Variants in SLC14A2 observed in about 807,000 individuals in gnomAD.
SLC14A2 encodes the protein solute carrier family 14 member 2, also known as urea transporter 2.
SLC14A2 carries 91 observed loss-of-function variants against 104.6 expected under a neutral mutation model. The ratio of observed to expected loss-of-function variants is 0.87; its 90% CI spans 0.73 to 1.04. The LOEUF (loss-of-function observed/expected upper bound fraction) is 1.04, where lower values mean the gene tolerates loss of function less well. Among genes scored for constraint, SLC14A2 ranks in the 50% least tolerant of loss-of-function variants. The pLI is 0.00. For missense variants in SLC14A2, 1,189 were observed against 1,156.0 expected, an observed-to-expected ratio of 1.03 and a Z score of -0.41; for synonymous variants, 476 against 466.4, an observed-to-expected ratio of 1.02 and a Z score of -0.27.
At chr18:45,653,394 G>C (rs1243677654) in intron 10 of SLC14A2, among the ~76,000 whole-genome samples, 1 of 152,110 alleles carries the variant, frequency 6.6e-6, no homozygotes, top group East Asian at 1.9e-4. Flanking sequence ...GTCTACTCAG[G>C]TGTAGCTAAT....
intron 1 of SLC14A2, among the ~76,000 whole-genome samples, chr18:45,356,492 C>T (rs1196894004): frequency 1.3e-5 from 2 of 152,198 alleles, no homozygotes; most frequent in African/African-American, 4.8e-5. Context: ...CCTGTCACAT[C>T]AGCACAGACA....
chr18:45,621,820 C>A (rs1255318449), intron 1 of SLC14A2, among the ~76,000 whole-genome samples: 2 of 152,094 alleles, frequency 1.3e-5, no homozygotes, highest in Non-Finnish European at 2.9e-5. Flanking sequence ...GGTGGATCTG[C>A]GAGGGTTTAT....
rs118150548 is a variant in SLC14A2 at position 45,375,138 on chromosome 18, C to T, written c.-124-108095C>T. ...TAGACTGAACTAACTTTGGGAGGAA[C>T]TTAGTTCATAGTTTATAGTTTAAAA... On this transcript the variant is annotated intron_variant, in intron 1 of 20. Transcript: ENST00000586448. Among the ~76,000 whole-genome samples, 446 of 152,314 alleles carry T rather than the reference C, an allele frequency of 2.9e-3. 11 individuals carry two copies. The East Asian group carries it at 0.066, about 23-fold the overall frequency.
intron 1 of SLC14A2, among the ~76,000 whole-genome samples, chr18:45,416,360 C>T (rs2086277583): frequency 6.6e-6 from 1 of 151,704 alleles, no homozygotes; most frequent in African/African-American, 2.4e-5. Context: ...ACCAAATAAC[C>T]TTGTCATGTG....
the SLC14A2 span, among the ~76,000 whole-genome samples, chr18:45,180,346 T>A: frequency 6.6e-6 from 1 of 152,182 alleles, no homozygotes; most frequent in Admixed American, 6.5e-5. Flanking sequence ...TTAATTGAGT[T>A]ATTATTCTAA....
At chr18:45,465,188 G>T (rs4890544) in intron 1 of SLC14A2, among the ~76,000 whole-genome samples, 2 of 152,000 alleles carry the variant, frequency 1.3e-5, no homozygotes, top group African/African-American at 4.8e-5. Flanking sequence ...GAAACGGAGA[G>T]AAGAAAACAC....
At chr18:45,498,142 A>T (rs773176863) in intron 2 of SLC14A2, among the ~76,000 whole-genome samples, 6 of 152,264 alleles carry the variant, frequency 3.9e-5, no homozygotes, top group Non-Finnish European at 8.8e-5. Context: ...GAAAGTGACA[A>T]ATATAATCTA....
intron 1 of SLC14A2, among the ~76,000 whole-genome samples, chr18:45,256,649 C>T (rs1303342647): frequency 6.6e-6 from 1 of 152,182 alleles, no homozygotes; most frequent in Non-Finnish European, 1.5e-5. Context: ...GGGTTAGTTA[C>T]CAATGATAGA....
chr18:45,442,145 G>A (rs555899231), intron 1 of SLC14A2, among the ~76,000 whole-genome samples: 1 of 152,230 alleles, frequency 6.6e-6, no homozygotes, highest in African/African-American at 2.4e-5. Context: ...TACTGGCTTT[G>A]CTCCTTACCT....
At chr18:45,487,683 G>A (rs981052965) in intron 2 of SLC14A2, among the ~76,000 whole-genome samples, 2 of 152,198 alleles carry the variant, frequency 1.3e-5, no homozygotes, top group East Asian at 1.9e-4. Context: ...AAAAGAGGCA[G>A]AATAGGCAGA....
intron 2 of SLC14A2, among the ~76,000 whole-genome samples, chr18:45,525,434 C>T (rs996474795): frequency 9.2e-5 from 14 of 152,194 alleles, no homozygotes; most frequent in African/African-American, 3.4e-4. Context: ...AGAATGTCTC[C>T]TACCACTTCC....
chr18:45,542,146 T>G (rs1355205146), intron 2 of SLC14A2: 2 of 143,806 alleles, frequency 1.4e-5, no homozygotes, highest in African/African-American at 5.1e-5. Context: ...TGAAATAGCC[T>G]CTAGCATTAT....
rs1222394869 is a variant in SLC14A2 at position 45,269,073 on chromosome 18, A to C, written c.-125+55882A>C. Among the ~76,000 whole-genome samples, 3 of 151,844 alleles carry C rather than the reference A, an allele frequency of 2.0e-5. No homozygotes were observed. The East Asian group carries it at 5.9e-4, about 30-fold the overall frequency. ...ATCCTGAGGGGGATTCCTTCTTCCC[A>C]AAAGAAACCTGAATGATCCAAGCTT... On this transcript the variant is annotated intron_variant, in intron 1 of 20. Transcript: ENST00000586448.
chr18:45,525,422 G>T (rs552956799), intron 2 of SLC14A2, among the ~76,000 whole-genome samples: 1 of 152,174 alleles, frequency 6.6e-6, no homozygotes, highest in Non-Finnish European at 1.5e-5. Flanking sequence ...TGCATGTCTT[G>T]AAGAATGTCT....
chr18:45,626,817 T>TCCCCCC, intron 3 of SLC14A2, 141 bp from the exon 4 acceptor site: 3 of 150,440 alleles, frequency 2.0e-5, no homozygotes, highest in South Asian at 7.8e-5. Context: ...CCCCCACCCC[T>TCCCCCC]CCACCCCGAC....
chr18:45,626,244 A>G (rs1238391500), intron 3 of SLC14A2, among the ~76,000 whole-genome samples: 1 of 152,194 alleles, frequency 6.6e-6, no homozygotes, highest in Non-Finnish European at 1.5e-5. Context: ...ACAGCCATTT[A>G]TTATGTGCCT....
chr18:45,426,187 A>G (rs527455036), intron 1 of SLC14A2, among the ~76,000 whole-genome samples: 4 of 151,954 alleles, frequency 2.6e-5, no homozygotes, highest in Non-Finnish European at 4.4e-5. Context: ...TCTGCCTCTG[A>G]TTCTTCCTGA....
the SLC14A2 span, among the ~76,000 whole-genome samples, chr18:45,184,006 G>A: frequency 3.8e-5 from 5 of 132,770 alleles, no homozygotes; most frequent in East Asian, 4.7e-4. Context: ...CTCCAATCTC[G>A]GGCTCCCAAA....
intron 1 of SLC14A2, among the ~76,000 whole-genome samples, chr18:45,380,187 G>A (rs534761028): frequency 1.3e-5 from 2 of 152,306 alleles, no homozygotes; most frequent in Non-Finnish European, 2.9e-5. Flanking sequence ...TGGTGTCCTG[G>A]AAAGAACCAG....
Sources: gnomAD v4.1 joint callset for allele counts (sites outside exome capture counted in the v4.1 genomes callset) on GRCh38, gnomAD v4.1.1 for gene constraint, MANE v1.5 for transcripts, NCBI Gene and HGNC (gene_info 2026-07-23, HGNC 2026-07-21) for gene names.